Variants in LNX1 observed in about 807,000 individuals in gnomAD.
LNX1 encodes the protein E3 ubiquitin-protein ligase LNX.
A neutral mutation model predicts 68.4 loss-of-function variants in LNX1; 54 were observed. The observed-to-expected ratio is 0.79, with a 90% CI of 0.63 to 0.99. The LOEUF is 0.99. Among genes scored for constraint, LNX1 ranks in the 50% least tolerant of loss-of-function variants. The pLI, the probability that LNX1 is intolerant of heterozygous loss-of-function variation, is 0.00. For missense variants in LNX1, 906 were observed against 926.4 expected, an observed-to-expected ratio of 0.98 and a Z score of 0.29; for synonymous variants, 336 against 350.0, an observed-to-expected ratio of 0.96 and a Z score of 0.45.
At chr4:53,641,786 C>T (rs1400995717) in intron 1 of LNX1, among the ~76,000 whole-genome samples, 1 of 152,178 alleles carries the variant, frequency 6.6e-6, no homozygotes, top group Admixed American at 6.5e-5. Context: ...ATTGTGTATT[C>T]TTTTTGGTGT....
intron 1 of LNX1, among the ~76,000 whole-genome samples, chr4:53,590,084 C>A (rs1321314980): frequency 6.6e-6 from 1 of 152,098 alleles, no homozygotes; most frequent in Non-Finnish European, 1.5e-5. Context: ...AACCCCCCCC[C>A]TTAAACTCAC....
chr4:53,521,545 C>T (rs1375483640), intron 2 of LNX1, among the ~76,000 whole-genome samples: 2 of 152,108 alleles, frequency 1.3e-5, no homozygotes, highest in Non-Finnish European at 2.9e-5. Flanking sequence ...GTTCCTCATA[C>T]CAAATATTTT....
intron 2 of LNX1, among the ~76,000 whole-genome samples, chr4:53,564,638 G>A (rs1327778758): frequency 3.3e-5 from 5 of 152,164 alleles, no homozygotes; most frequent in Non-Finnish European, 4.4e-5. Flanking sequence ...TTTTGGGGAG[G>A]AGCCAAGATG....
chr4:53,477,060 G>T, intron 8 of LNX1, 79 bp from the exon 9 acceptor site: 2 of 1,226,678 alleles, frequency 1.6e-6, no homozygotes, highest in Non-Finnish European at 2.4e-6. Flanking sequence ...GGGGATAGGG[G>T]CTGACTGGGA....
chr4:53,650,098 G>C (rs1013602347), intron 1 of LNX1, among the ~76,000 whole-genome samples: 6 of 152,206 alleles, frequency 3.9e-5, no homozygotes, highest in Admixed American at 1.3e-4. Context: ...AGAATGAATG[G>C]AATGAGCCTG....
chr4:53,609,371 T>C (rs543347401), intron 2 of LNX1, among the ~76,000 whole-genome samples: 1 of 150,914 alleles, frequency 6.6e-6, no homozygotes, highest in Admixed American at 6.6e-5. Context: ...AAAAAGAAAA[T>C]AGTACCAGAA....
intron 9 of LNX1, among the ~76,000 whole-genome samples, chr4:53,472,198 G>T (rs1394580737): frequency 1.3e-5 from 2 of 152,166 alleles, no homozygotes; most frequent in Non-Finnish European, 2.9e-5. Context: ...GGACATGGAT[G>T]AAGCTGGAAA....
intron 2 of LNX1, among the ~76,000 whole-genome samples, chr4:53,602,121 T>C (rs975257122): frequency 6.6e-6 from 1 of 152,164 alleles, no homozygotes; most frequent in African/African-American, 2.4e-5. Context: ...AAATAGAAAC[T>C]AGGATCTGTC....
At chr4:53,557,813 G>A (rs1730020747) in intron 2 of LNX1, 3 of 1,597,568 alleles carry the variant, frequency 1.9e-6, no homozygotes, top group Non-Finnish European at 2.6e-6. Flanking sequence ...AATGGACTCG[G>A]GTCCCACCCC....
chr4:53,481,865 A>C lies in LNX1; in HGVS notation c.1351-11T>G. On this transcript the variant is annotated splice_polypyrimidine_tract_variant and intron_variant, in intron 6 of 10. Coordinates refer to ENST00000263925, the MANE Select transcript of LNX1 (RefSeq NM_001126328.3). ...ACGTCTTTCACTGGCCTGGGCAAGA[A>C]GACACAGGCATTAGCCACTGTCAGT... The C allele has an allele frequency of 6.4e-7, 1 of 1,573,398 alleles. No individual in the cohort carries two copies. The highest frequency in any genetic ancestry group is 8.6e-7 in the Non-Finnish European group (1 of 1,156,946).
At chr4:53,583,817 A>G (rs1255666476) in intron 1 of LNX1, among the ~76,000 whole-genome samples, 1 of 152,158 alleles carries the variant, frequency 6.6e-6, no homozygotes, top group Non-Finnish European at 1.5e-5. Context: ...ACGAGATTTT[A>G]CCACCTTTCC....
chr4:53,532,974 C>A (rs4864786), intron 2 of LNX1, among the ~76,000 whole-genome samples: 66,558 of 152,044 alleles, frequency 0.44, 16,735 homozygotes, highest in Non-Finnish European at 0.55. Context: ...GTCAGGGGAG[C>A]CCATATATTG....
At chr4:53,588,978 G>A (rs1732341080) in intron 1 of LNX1, among the ~76,000 whole-genome samples, 1 of 152,176 alleles carries the variant, frequency 6.6e-6, no homozygotes, top group Admixed American at 6.5e-5. Context: ...ATGGTACAAT[G>A]AGGCTCCAAA....
At chr4:53,565,038 G>T (rs1387255262) in intron 2 of LNX1, among the ~76,000 whole-genome samples, 1 of 152,124 alleles carries the variant, frequency 6.6e-6, no homozygotes, top group Non-Finnish European at 1.5e-5. Flanking sequence ...AGCAGTCTGA[G>T]ATCAAACTGC....
In LNX1 at chr4:53,460,797, T is replaced by G. The variant is rs549192942; in HGVS notation, c.*110A>C. 8.9e-7 allele frequency: 1 copy of G among 1,124,604 alleles called. No homozygotes were observed. Among genetic ancestry groups the G allele is most frequent in the South Asian group, 1.6e-5 (1 of 64,134 alleles). 69.7% of individuals were successfully genotyped at this position (1,124,604 alleles called of 1,614,324 possible). ...TAGATGATCATACTTTTCCTGACAT[T>G]TTTACAATGTATTCTTTCTTTAAAT... On this transcript the variant is annotated 3_prime_UTR_variant, in exon 11 of 11. Coordinates refer to ENST00000263925, the MANE Select transcript of LNX1 (RefSeq NM_001126328.3).
intron 2 of LNX1, among the ~76,000 whole-genome samples, chr4:53,609,510 C>T (rs893890600): frequency 2.6e-4 from 38 of 146,692 alleles, no homozygotes; most frequent in South Asian, 4.3e-4. Flanking sequence ...TTTATTTATA[C>T]GGAAATTTTA....
intron 2 of LNX1, among the ~76,000 whole-genome samples, chr4:53,545,357 GC>G (rs1729036982): frequency 6.6e-6 from 1 of 152,050 alleles, no homozygotes; most frequent in Admixed American, 6.6e-5. Context: ...CCCCAACCTG[GC>G]CCTACTGAAT....
At chr4:53,588,798 C>T (rs1257229781) in intron 1 of LNX1, among the ~76,000 whole-genome samples, 1 of 152,136 alleles carries the variant, frequency 6.6e-6, no homozygotes, top group African/African-American at 2.4e-5. Context: ...CCACTAATCC[C>T]TTACTCTTGA....
At chr4:53,570,667 T>TAAATAAAA (rs1731089557) in intron 2 of LNX1, among the ~76,000 whole-genome samples, 1 of 142,588 alleles carries the variant, frequency 7.0e-6, no homozygotes, top group Admixed American at 6.9e-5. Flanking sequence ...AGTATAATAA[T>TAAATAAAA]AAATAAATAA....
Sources: allele counts gnomAD v4.1 joint callset (sites outside exome capture counted in the v4.1 genomes callset), GRCh38; gene constraint gnomAD v4.1.1; transcripts MANE v1.5; gene names NCBI Gene and HGNC (gene_info 2026-07-23, HGNC 2026-07-21).